Variants in WDR83 observed in about 807,000 individuals in gnomAD.
WDR83 encodes WD repeat domain 83.
Under a neutral mutation model 37.7 loss-of-function variants are expected in WDR83, and 37 were observed. The ratio of observed to expected loss-of-function variants is 0.98; its 90% CI spans 0.76 to 1.29. The LOEUF (loss-of-function observed/expected upper bound fraction) is 1.29, where lower values mean the gene tolerates loss of function less well. Ranked by LOEUF, WDR83 falls within the 50% of genes most tolerant of loss-of-function variation. The probability of loss-of-function intolerance (pLI) is 0.00; values close to 1 mark genes in which losing one functional copy is unlikely to be tolerated. For synonymous variants in WDR83, 174 were observed against 181.1 expected (o/e 0.96, Z 0.31); for missense variants, 445 against 414.4 (o/e 1.07, Z -0.64).
chr19:12,673,704 C>T (rs111376087), intron 10 of WDR83, among the ~76,000 whole-genome samples: 3,493 of 152,012 alleles, frequency 0.023, 50 homozygotes, highest in Non-Finnish European at 0.035. Flanking sequence ...GCGTAAGCCA[C>T]CACACCCGGC....
rs749566637 is a variant in WDR83 at position 12,668,482 on chromosome 19, T to G, written c.-156-26T>G. 3 of 1,613,394 alleles carry G rather than the reference T, an allele frequency of 1.9e-6. No individual in the cohort carries two copies. The highest frequency in any genetic ancestry group is 1.3e-5 in the African/African-American group (1 of 74,910). On this transcript the variant is annotated intron_variant, in intron 1 of 10. Coordinates refer to ENST00000418543, the MANE Select transcript of WDR83 (RefSeq NM_001099737.3). The stretch of plus-strand genomic sequence containing the variant: ...GGCCAGGCTGGGGTCCCCCCACCCC[T>G]TACTCAAGAGTCACTTGTTCTGTAG...
rs2024365725 is a variant in WDR83 at position 12,670,064 on chromosome 19, G to C, written c.191G>C (p.Ser64Thr). The C allele has an allele frequency of 1.2e-6, 2 of 1,612,638 alleles. No homozygotes were observed. Among genetic ancestry groups the C allele is most frequent in the African/African-American group, 2.7e-5 (2 of 74,944 alleles). Residue 64 changes from serine to threonine, a missense_variant, in exon 4 of 11, where the codon AGC becomes ACC. Physicochemically the swap from Ser to Thr is moderately conservative, Grantham distance 58 (BLOSUM62 1). Transcript: ENST00000418543. ...PLRGTLLRTY[S>T]GHGYEVLDAA... ...CGGGGGACGCTGCTGCGGACGTACA[G>C]CGGCCACGGCTACGAGGTGCTGGAT...
In WDR83 at chr19:12,675,818, C is replaced by T. The variant is rs773081591; in HGVS notation, c.*146C>T. On this transcript the variant is annotated 3_prime_UTR_variant, in exon 11 of 11. Coordinates refer to ENST00000418543, the MANE Select transcript of WDR83 (RefSeq NM_001099737.3). ...TAATAAATAGAAGAGGGGGTAAGAC[C>T]TTCCTGGGACCGCAGCCGCTCAGTC... The T allele has an allele frequency of 5.7e-6, 9 of 1,575,868 alleles. No homozygotes were observed. Among genetic ancestry groups the T allele is most frequent in the East Asian group, 2.3e-5 (1 of 44,436 alleles).
chr19:12,670,902 C>T, intron 7 of WDR83, 81 bp downstream of exon 7: 1 of 1,534,386 alleles, frequency 6.5e-7, no homozygotes, highest in Non-Finnish European at 8.8e-7. Flanking sequence ...AAAACCTACT[C>T]TCAGCTGGGC....
chr19:12,674,853 C>T (rs770923303), intron 10 of WDR83, among the ~76,000 whole-genome samples: 5 of 152,162 alleles, frequency 3.3e-5, no homozygotes, highest in Non-Finnish European at 5.9e-5. Context: ...TGGTGGTTCA[C>T]ACCTGTAATC....
chr19:12,666,853 C>T lies in WDR83; in HGVS notation c.-296C>T, dbSNP rs1599362011. 1.4e-6 allele frequency: 1 copy of T among 732,828 alleles called. No individual in the cohort carries two copies. The highest frequency in any genetic ancestry group is 2.8e-5 in the East Asian group (1 of 36,114). The allele number at this position is 732,828 out of a possible 1,614,324, so 45.4% of individuals were successfully genotyped here. A position where few individuals can be genotyped will look rare whatever the true frequency, so the allele number is the denominator to read the frequency against. On this transcript the variant is annotated 5_prime_UTR_variant, in exon 1 of 11. Transcript: ENST00000418543. ...GAGAGGCTGTAGCCCTGGGCAATCC[C>T]GGGGGTCGTTACAGGAAGGTAGGAA...
chr19:12,672,936 G>T (rs781684046), intron 8 of WDR83, 22 bp downstream of exon 8: 2 of 1,595,828 alleles, frequency 1.3e-6, no homozygotes, highest in Non-Finnish European at 1.7e-6. Flanking sequence ...TGGGGATGTG[G>T]GACAGGCAGG....
intron 7 of WDR83, among the ~76,000 whole-genome samples, chr19:12,671,573 AC>A (rs2024418085): frequency 6.6e-6 from 1 of 151,950 alleles, no homozygotes; most frequent in Non-Finnish European, 1.5e-5. Flanking sequence ...AATGGAGTGA[AC>A]CCAGGAGGCA....
intron 7 of WDR83, chr19:12,672,514 A>G (rs1338199920): frequency 9.0e-6 from 3 of 332,676 alleles, no homozygotes; most frequent in Non-Finnish European, 1.2e-5. Flanking sequence ...AGGCTGAGGA[A>G]GGAGAATCTC....
intron 7 of WDR83, 54 bp downstream of exon 7, chr19:12,670,875 G>A: frequency 6.3e-7 from 1 of 1,578,628 alleles, no homozygotes; most frequent in Non-Finnish European, 8.6e-7. Flanking sequence ...AATCATAGCT[G>A]CCCCCATGCT....
intron 7 of WDR83, 71 bp downstream of exon 7, chr19:12,670,892 A>G (rs2024396200): frequency 6.4e-7 from 1 of 1,552,484 alleles, no homozygotes; most frequent in Admixed American, 1.9e-5. Context: ...TGCTCAGATT[A>G]AAACCTACTC....
intron 10 of WDR83, among the ~76,000 whole-genome samples, chr19:12,673,834 G>A (rs1663346565): frequency 1.3e-5 from 2 of 151,704 alleles, no homozygotes; most frequent in African/African-American, 4.9e-5. Context: ...TGAGTAGCTG[G>A]GATTACAGGC....
Position 12,672,882 on chromosome 19 carries a change from G to A in WDR83, c.542G>A (p.Arg181Lys), listed in dbSNP as rs1236237344. The A allele has an allele frequency of 1.3e-6, 2 of 1,596,352 alleles. No homozygotes were observed. Among genetic ancestry groups the A allele is most frequent in the Non-Finnish European group, 1.7e-6 (2 of 1,171,458 alleles). The change falls in exon 8 of 11, where the codon AGG becomes AAG. Residue 181 changes from arginine to lysine, a missense_variant. Coordinates refer to ENST00000418543, the MANE Select transcript of WDR83 (RefSeq NM_001099737.3). ...GGCCGCGTGAGACGCTATGACCTAA[G>A]GATGGGGCAGCTCTTCTCAGACTAC... ...VDGRVRRYDL[R>K]MGQLFSDYVG...
intron 10 of WDR83, among the ~76,000 whole-genome samples, chr19:12,673,865 A>G (rs1339463841): frequency 6.6e-6 from 1 of 151,456 alleles, no homozygotes; most frequent in Non-Finnish European, 1.5e-5. Context: ...ATACCTGGCT[A>G]ATTTTTGTAT....
intron 2 of WDR83, chr19:12,669,552 G>T: frequency 9.8e-7 from 1 of 1,022,302 alleles, no homozygotes; most frequent in Non-Finnish European, 1.4e-6. Context: ...CCCAGAGAAC[G>T]GAGATTTAGG....
intron 7 of WDR83, among the ~76,000 whole-genome samples, chr19:12,671,855 G>A (rs1428012488): frequency 2.6e-5 from 4 of 151,994 alleles, no homozygotes; most frequent in South Asian, 2.1e-4. Context: ...GTGCCACCAC[G>A]CCCAGCTAAT....
Position 12,675,532 on chromosome 19 carries a change from G to C in WDR83, c.808G>C (p.Ala270Pro). 6.2e-7 allele frequency: 1 copy of C among 1,604,856 alleles called. No homozygotes were observed. The highest frequency in any genetic ancestry group is 1.1e-5 in the South Asian group (1 of 91,022). The change falls in exon 11 of 11, where the codon GCT becomes CCT. Residue 270 changes from alanine (A) to proline (P), a missense_variant. Coordinates refer to ENST00000418543, the MANE Select transcript of WDR83 (RefSeq NM_001099737.3). ...FFWDLVEGAL[A>P]LALPVGSGVV... is the part of the protein sequence containing the mutation. The stretch of plus-strand genomic sequence containing the variant: ...ACCCCTCGCTCCACAGGGTGCGCTG[G>C]CTCTGGCCCTGCCTGTGGGTTCCGG...
At chr19:12,667,840 A>C (rs927612725) in intron 1 of WDR83, among the ~76,000 whole-genome samples, 2 of 152,156 alleles carry the variant, frequency 1.3e-5, no homozygotes, top group Non-Finnish European at 2.9e-5. Flanking sequence ...AAGGAAAAAA[A>C]AAAAAGGAAA....
Position 12,670,267 on chromosome 19 carries a change from A to G in WDR83, c.312A>G (p.Lys104=). Residue 104 remains lysine (K), a synonymous_variant, in exon 5 of 11, where the codon AAA becomes AAG. Transcript: ENST00000418543. The stretch of plus-strand genomic sequence containing the variant: ...TGGCATCAGGGCAGGTCGTGCGCAA[A>G]TTCCGGGGCCACGCAGGGGTGAGTG... ...WDVASGQVVR[K]FRGHAGKVNT... The G allele has an allele frequency of 6.2e-7, 1 of 1,614,036 alleles. No individual in the cohort carries two copies. Among genetic ancestry groups the G allele is most frequent in the Non-Finnish European group, 8.5e-7 (1 of 1,179,978 alleles).
Sources: gnomAD v4.1 joint callset for allele counts (sites outside exome capture counted in the v4.1 genomes callset) on GRCh38, gnomAD v4.1.1 for gene constraint, MANE v1.5 for transcripts, NCBI Gene and HGNC (gene_info 2026-07-23, HGNC 2026-07-21) for gene names.